PIP5K1B: variants seen among roughly 807,000 people sequenced by gnomAD.
The protein encoded by PIP5K1B is phosphatidylinositol 4-phosphate 5-kinase type-1 beta.
PIP5K1B carries 42 observed loss-of-function variants against 67.0 expected under a neutral mutation model. The ratio of observed to expected loss-of-function variants is 0.63; its 90% CI spans 0.49 to 0.81. PIP5K1B has a LOEUF of 0.81. Ranked by LOEUF, PIP5K1B falls within the 30% of genes least tolerant of loss-of-function variation. PIP5K1B has a pLI of 0.00. For synonymous variants in PIP5K1B, 214 were observed against 231.4 expected, an observed-to-expected ratio of 0.92 and a Z score of 0.68; for missense variants, 459 against 646.3, an observed-to-expected ratio of 0.71 and a Z score of 3.14.
intron 2 of PIP5K1B, chr9:68,788,502 T>TTGTTTTG: frequency 2.7e-6 from 1 of 371,546 alleles, no homozygotes; most frequent in Non-Finnish European, 4.9e-6. Context: ...TTGTTTTGTT[T>TTGTTTTG]TTTAGTAATA....
intron 2 of PIP5K1B, among the ~76,000 whole-genome samples, chr9:68,790,129 A>G (rs74814514): frequency 0.011 from 1,699 of 152,276 alleles, 36 homozygotes; most frequent in African/African-American, 0.039. Flanking sequence ...TAAAGGAAAA[A>G]TGTAACACCA....
chr9:68,901,298 T>G (rs1825340394), intron 8 of PIP5K1B, among the ~76,000 whole-genome samples: 1 of 152,226 alleles, frequency 6.6e-6, no homozygotes. Context: ...CTCACTCTGC[T>G]GCCCAGGCTA....
chr9:68,708,708 T>C (rs1827245311), intron 1 of PIP5K1B, among the ~76,000 whole-genome samples: 1 of 152,214 alleles, frequency 6.6e-6, no homozygotes, highest in Non-Finnish European at 1.5e-5. Flanking sequence ...TACTGTCTCG[T>C]GGTTTCAGAG....
At chr9:68,977,438 G>A (rs551130008) in intron 14 of PIP5K1B, among the ~76,000 whole-genome samples, 13 of 152,264 alleles carry the variant, frequency 8.5e-5, no homozygotes, top group South Asian at 2.1e-4. Context: ...CACAAACATC[G>A]CTTGAACCCG....
At chr9:68,837,273 T>C (rs1834662784) in intron 4 of PIP5K1B, among the ~76,000 whole-genome samples, 1 of 152,236 alleles carries the variant, frequency 6.6e-6, no homozygotes, top group Non-Finnish European at 1.5e-5. Flanking sequence ...TTTAGCACTT[T>C]ACTAAATTAC....
intron 2 of PIP5K1B, among the ~76,000 whole-genome samples, chr9:68,799,895 C>T (rs1364143098): frequency 8.6e-5 from 13 of 151,960 alleles, no homozygotes; most frequent in Non-Finnish European, 2.9e-5. Flanking sequence ...AGGACTAGGA[C>T]AATATCAAAC....
chr9:68,780,893 C>A (rs1177070919), intron 2 of PIP5K1B: 1 of 1,614,104 alleles, frequency 6.2e-7, no homozygotes, highest in Non-Finnish European at 8.5e-7. Context: ...CTTCGGATAC[C>A]CTTGATGGAA....
chr9:68,935,056 G>A lies in PIP5K1B; in HGVS notation c.1357+11G>A. On this transcript the variant is annotated intron_variant, in intron 13 of 15. Coordinates refer to ENST00000265382, the MANE Select transcript of PIP5K1B (RefSeq NM_003558.4). ...GCCTTGATGAAGAAGGTAAAGATAT[G>A]TAACTTTTTTAAAAAGACAAACGTT... 6.2e-7 allele frequency: 1 copy of A among 1,605,980 alleles called. No homozygotes were observed. The highest frequency in any genetic ancestry group is 1.1e-5 in the South Asian group (1 of 89,396).
chr9:68,801,242 G>GA (rs1392960766), intron 2 of PIP5K1B, among the ~76,000 whole-genome samples: 1 of 152,124 alleles, frequency 6.6e-6, no homozygotes, highest in African/African-American at 2.4e-5. Flanking sequence ...CTATCCAAGG[G>GA]AAAATAACAA....
chr9:68,753,292 A>G (rs1465830792), intron 2 of PIP5K1B, among the ~76,000 whole-genome samples: 1 of 151,620 alleles, frequency 6.6e-6, no homozygotes, highest in Non-Finnish European at 1.5e-5. Context: ...TAGTTGTGCA[A>G]GCCCTATCTG....
At chr9:68,815,664 G>A (rs749530397) in intron 2 of PIP5K1B, among the ~76,000 whole-genome samples, 2 of 151,974 alleles carry the variant, frequency 1.3e-5, no homozygotes, top group Non-Finnish European at 1.5e-5. Context: ...ACGTGAGTGC[G>A]TATAAAGAAA....
chr9:68,917,466 T>C, intron 8 of PIP5K1B, 82 bp from the exon 9 acceptor site: 1 of 952,230 alleles, frequency 1.1e-6, no homozygotes, highest in Non-Finnish European at 1.7e-6. Context: ...TGTGTCTGTA[T>C]ATCTAGAGCT....
At chr9:68,815,306 C>T (rs144910934) in intron 2 of PIP5K1B, among the ~76,000 whole-genome samples, 81 of 149,822 alleles carry the variant, frequency 5.4e-4, no homozygotes, top group African/African-American at 1.6e-3. Context: ...AATATTGCAT[C>T]TAAGAAATTT....
At chr9:68,799,284 C>A (rs1006334578) in intron 2 of PIP5K1B, among the ~76,000 whole-genome samples, 4 of 152,164 alleles carry the variant, frequency 2.6e-5, no homozygotes, top group Non-Finnish European at 5.9e-5. Context: ...ACCTTCTGTT[C>A]ATCAGTGACT....
intron 14 of PIP5K1B, among the ~76,000 whole-genome samples, chr9:68,960,226 C>T (rs1435911989): frequency 6.6e-6 from 1 of 152,158 alleles, no homozygotes; most frequent in Admixed American, 6.5e-5. Context: ...TTCAGGCTCC[C>T]TAAGTTGCTG....
At chr9:69,002,675 C>A (rs1429453460) in intron 15 of PIP5K1B, among the ~76,000 whole-genome samples, 1 of 151,990 alleles carries the variant, frequency 6.6e-6, no homozygotes, top group Non-Finnish European at 1.5e-5. Context: ...AAAGGTGATA[C>A]CTTGTGTTTA....
At chr9:68,880,588 CGCAT>C (rs144914141) in intron 6 of PIP5K1B, among the ~76,000 whole-genome samples, 22 of 41,932 alleles carry the variant, frequency 5.2e-4, no homozygotes, top group African/African-American at 1.3e-3. Flanking sequence ...CACACACACA[CGCAT>C]ACACACACAC....
At chr9:68,750,516 T>C (rs946543995) in intron 2 of PIP5K1B, among the ~76,000 whole-genome samples, 1 of 152,256 alleles carries the variant, frequency 6.6e-6, no homozygotes, top group African/African-American at 2.4e-5. Context: ...TAGCAGCGTT[T>C]AGCAGGTTTT....
At chr9:68,889,276 C>A (rs1319137349) in intron 7 of PIP5K1B, 143 bp downstream of exon 7, 2 of 634,780 alleles carry the variant, frequency 3.2e-6, no homozygotes, top group East Asian at 2.7e-5. Flanking sequence ...TATGCTATGA[C>A]ATTCATTGAA....
Sources: allele counts gnomAD v4.1 joint callset (sites outside exome capture counted in the v4.1 genomes callset), GRCh38; gene constraint gnomAD v4.1.1; transcripts MANE v1.5; gene names NCBI Gene and HGNC (gene_info 2026-07-23, HGNC 2026-07-21).